The following MIB2 variants were observed in gnomAD, a reference collection of about 807,000 sequenced individuals.
MIB2 encodes the protein MIB E3 ubiquitin protein ligase 2, also known as E3 ubiquitin-protein ligase MIB2.
In MIB2, 78 loss-of-function variants were observed where a neutral mutation model predicts 96.6. The ratio of observed to expected loss-of-function variants is 0.81; its 90% CI spans 0.67 to 0.97. The LOEUF (loss-of-function observed/expected upper bound fraction) is 0.97, where lower values mean the gene tolerates loss of function less well. Ranked by LOEUF, MIB2 falls within the 50% of genes least tolerant of loss-of-function variation. MIB2 has a pLI of 0.00. For synonymous variants in MIB2, 820 were observed against 629.5 expected (o/e 1.30, Z -4.53); for missense variants, 1,543 against 1,424.0 (o/e 1.08, Z -1.35).
rs954941109 is a variant in MIB2 at position 1,628,289 on chromosome 1, C to G, written c.1858C>G (p.Leu620Val). The G allele has an allele frequency of 1.2e-6, 2 of 1,612,910 alleles. No homozygotes were observed. Among genetic ancestry groups the G allele is most frequent in the Non-Finnish European group, 1.7e-6 (2 of 1,179,976 alleles). The change falls in exon 15 of 20, where the codon CTG (leucine) becomes GTG (valine). Residue 620 changes from leucine (L) to valine (V), a missense_variant. Leu to Val is a conservative substitution (Grantham distance 32, BLOSUM62 1). Transcript: ENST00000355826. ...GCTCCACAGAGCTGTGAGAAAGATTCTGGCTCGGGCGCGGCAGCTGGTGGA... is the reference window on the plus strand; with the variant it reads ...GCTCCACAGAGCTGTGAGAAAGATTGTGGCTCGGGCGCGGCAGCTGGTGGA... The part of the protein sequence containing the change: ...KGHALAVRKI[L>V]ARARQLVDAK...
chr1:1,622,033 G>A (rs539061743), intron 2 of MIB2, among the ~76,000 whole-genome samples: 1 of 152,374 alleles, frequency 6.6e-6, no homozygotes, highest in African/African-American at 2.4e-5. Context: ...AAAGCACTGG[G>A]TTGCAGTGCT....
Position 1,626,583 on chromosome 1 carries a change from C to T in MIB2, c.973-67C>T. The T allele has an allele frequency of 1.5e-6, 2 of 1,358,182 alleles. No individual in the cohort carries two copies. The highest frequency in any genetic ancestry group is 2.0e-6 in the Non-Finnish European group (2 of 1,013,052). 84.1% of individuals were successfully genotyped at this position (1,358,182 alleles called of 1,614,324 possible). A position where few individuals can be genotyped will look rare whatever the true frequency, so the allele number is the denominator to read the frequency against. On this transcript the variant is annotated intron_variant, in intron 8 of 19. Transcript: ENST00000355826. The surrounding 1 kb of genome is among the most constrained non-coding windows in gnomAD (Gnocchi z 5.3). ...CTCGTGGAGCTCAGCAGGTTGCCCT[C>T]CTGTTGCATGAGCCTGGGCAGCCAC... is the stretch of plus-strand genomic sequence containing the variant.
At chr1:1,615,778 G>GA (rs1643566774) in intron 1 of MIB2, 145 bp downstream of exon 1, 2 of 1,391,730 alleles carry the variant, frequency 1.4e-6, no homozygotes, top group Non-Finnish European at 1.9e-6. Context: ...GTCCGCACGG[G>GA]ATGGGCTGGG....
chr1:1,627,932 C>A (rs1644966073), intron 13 of MIB2, 87 bp from the exon 14 acceptor site: 1 of 1,602,626 alleles, frequency 6.2e-7, no homozygotes, highest in Admixed American at 1.7e-5. Flanking sequence ...TGGGTGCCCC[C>A]TGCCCGTGAG....
chr1:1,624,031 C>T, intron 4 of MIB2, 86 bp downstream of exon 4: 1 of 1,421,472 alleles, frequency 7.0e-7, no homozygotes, highest in South Asian at 1.3e-5. Context: ...GGTGCTGCCT[C>T]CTGACCGCTC....
chr1:1,625,720 C>A lies in MIB2; in HGVS notation c.972+67C>A. 1.5e-6 allele frequency: 2 copies of A among 1,346,968 alleles called. No homozygotes were observed. The highest frequency in any genetic ancestry group is 2.1e-6 in the Non-Finnish European group (2 of 969,302). The allele number at this position is 1,346,968 out of a possible 1,614,324, so 83.4% of individuals were successfully genotyped here. On this transcript the variant is annotated intron_variant, in intron 8 of 19. Transcript: ENST00000355826. This position sits in a 1 kb window ranked among gnomAD's most constrained non-coding sequence, Gnocchi z 5.0. ...TAACCCCTTCCACGTACCCCCTTGG[C>A]CTTGGGGGGTCAGGCAGGACTAGGG... is the stretch of plus-strand genomic sequence containing the variant.
rs369196550 is a variant in MIB2, at chr1:1,616,475, A to G, written c.-129-33A>G. On this transcript the variant is annotated intron_variant, in intron 1 of 19. Coordinates refer to ENST00000355826, the MANE Select transcript of MIB2 (RefSeq NM_001170687.4). ...GACCGAGCCGCGGGTCGAGGTGCTA[A>G]CTGTGCATCTTGGCATCTCCCCTCG... 3.4e-6 allele frequency: 5 copies of G among 1,469,000 alleles called. No homozygotes were observed. The African/African-American group carries it at 7.2e-5, about 21-fold the overall frequency. The allele number at this position is 1,469,000 out of a possible 1,614,324, so 91.0% of individuals were successfully genotyped here.
chr1:1,622,816 G>A (rs1056471369), intron 2 of MIB2, among the ~76,000 whole-genome samples: 2 of 152,348 alleles, frequency 1.3e-5, no homozygotes, highest in Admixed American at 1.3e-4. Flanking sequence ...CCCAAAGCTG[G>A]TGTCCCCCAG....
chr1:1,624,392 G>A (rs1470987026), intron 4 of MIB2, among the ~76,000 whole-genome samples: 1 of 152,130 alleles, frequency 6.6e-6, no homozygotes, highest in African/African-American at 2.4e-5. Flanking sequence ...AGTGCTGTTG[G>A]CCAGGCCTGC....
In MIB2 at chr1:1,628,262, C is replaced by T. The variant is rs990166290; in HGVS notation, c.1842-11C>T. 11 of 1,612,982 alleles carry T rather than the reference C, an allele frequency of 6.8e-6. No individual in the cohort carries two copies. The highest frequency in any genetic ancestry group is 6.7e-5 in the African/African-American group (5 of 75,068). ...AGTCCCAGGTCCCAGACCAACCTCC[C>T]TGCTCCACAGAGCTGTGAGAAAGAT... On this transcript the variant is annotated splice_polypyrimidine_tract_variant and intron_variant, in intron 14 of 19. Transcript: ENST00000355826.
chr1:1,615,581 C>G lies in MIB2; in HGVS notation c.-182C>G, dbSNP rs978295144. 2 of 1,548,328 alleles carry G rather than the reference C, an allele frequency of 1.3e-6. No individual in the cohort carries two copies. Among genetic ancestry groups the G allele is most frequent in the Non-Finnish European group, 1.7e-6 (2 of 1,150,944 alleles). Reference sequence around the variant, plus strand: ...GAGGGCCTGGGAGCCCGAAGCCGTCCCCGAGTCGCTCCTAGGTCACTGGCG... The same window carrying G: ...GAGGGCCTGGGAGCCCGAAGCCGTCGCCGAGTCGCTCCTAGGTCACTGGCG... On this transcript the variant is annotated 5_prime_UTR_variant, in exon 1 of 20. Coordinates refer to ENST00000355826, the MANE Select transcript of MIB2 (RefSeq NM_001170687.4).
rs763676687 is a variant in MIB2, at chr1:1,628,916, G to A, written c.2202+194G>A. The A allele has an allele frequency of 1.4e-3, 994 of 721,028 alleles. 2 individuals carry two copies. Among genetic ancestry groups the A allele is most frequent in the Non-Finnish European group, 9.6e-4 (438 of 455,532 alleles). The allele number at this position is 721,028 out of a possible 1,614,324, so 44.7% of individuals were successfully genotyped here. A position where few individuals can be genotyped will look rare whatever the true frequency, so the allele number is the denominator to read the frequency against. On this transcript the variant is annotated intron_variant, in intron 16 of 19. Coordinates refer to ENST00000355826, the MANE Select transcript of MIB2 (RefSeq NM_001170687.4). ...CACCCCTAGGCAGCCTGGGAAAGGGGTGGTGCCCATGGGATGGGGAGAGGT... is the reference window on the plus strand; with the variant it reads ...CACCCCTAGGCAGCCTGGGAAAGGGATGGTGCCCATGGGATGGGGAGAGGT...
chr1:1,619,474 A>G (rs937583543), intron 2 of MIB2, among the ~76,000 whole-genome samples: 10 of 152,230 alleles, frequency 6.6e-5, no homozygotes, highest in African/African-American at 2.4e-4. Context: ...CTGGCACCGC[A>G]GAAGGGTTGG....
At position 1,623,533 on chromosome 1, in the gene MIB2, CGGCGGCGAG is replaced by C. The variant is rs1557578883; in HGVS notation, c.89_97del (p.Glu30_Gly32del). On this transcript the variant is annotated inframe_deletion, in exon 3 of 20. Coordinates refer to ENST00000355826, the MANE Select transcript of MIB2 (RefSeq NM_001170687.4). ...TGGACTGGAAGTGGGGCCAGCAGGA[CGGCGGCGAG>C]GGCGGCGTGGGCACGGTGGTGGAGC... 2 of 1,544,170 alleles carry C rather than the reference CGGCGGCGAG, an allele frequency of 1.3e-6. No individual in the cohort carries two copies. Among genetic ancestry groups the C allele is most frequent in the South Asian group, 1.2e-5 (1 of 82,108 alleles).
chr1:1,627,169 G>A lies in MIB2; in HGVS notation c.1336G>A (p.Ala446Thr). ...LVVEVALGNAARALDLLRRRP... is the reference protein window; with the variant it reads ...LVVEVALGNATRALDLLRRRP... ...GGTGGAGGTGGCGCTGGGTAACGCA[G>A]CCCGGGCTCTGGACCTGCTGCGGAG... The change falls in exon 11 of 20, where the codon GCC (alanine) becomes ACC (threonine). Residue 446 changes from alanine to threonine, a missense_variant. Physicochemically the swap from Ala to Thr is moderately conservative, Grantham distance 58. Transcript: ENST00000355826. The A allele has an allele frequency of 6.3e-7, 1 of 1,591,264 alleles. No individual in the cohort carries two copies.
At chr1:1,620,413 G>A (rs1468295269) in intron 2 of MIB2, among the ~76,000 whole-genome samples, 1 of 152,228 alleles carries the variant, frequency 6.6e-6, no homozygotes, top group East Asian at 1.9e-4. Context: ...GCGGCTGCCT[G>A]TGATGAGCCC....
In MIB2 at chr1:1,629,200, C is replaced by G. The variant is rs1293954894; in HGVS notation, c.2270C>G (p.Ala757Gly). The part of the protein sequence containing the change: ...TVGAAVACFL[A>G]LEGADVSYTN... Reference sequence around the variant, plus strand: ...GGCGCGGCGGTCGCCTGCTTCCTGGCGCTGGAGGGCGCCGACGTGAGCTAC... The same window carrying G: ...GGCGCGGCGGTCGCCTGCTTCCTGGGGCTGGAGGGCGCCGACGTGAGCTAC... Residue 757 changes from alanine (A) to glycine (G), a missense_variant, in exon 17 of 20, where the codon GCG becomes GGG. Physicochemically the swap from Ala to Gly is moderately conservative, Grantham distance 60. Transcript: ENST00000355826. 5.9e-6 allele frequency: 9 copies of G among 1,521,018 alleles called. No homozygotes were observed. The highest frequency in any genetic ancestry group is 7.9e-6 in the Non-Finnish European group (9 of 1,143,222). 94.2% of individuals were successfully genotyped at this position (1,521,018 alleles called of 1,614,324 possible).
rs569593655 is a variant in MIB2, at chr1:1,628,260, C to G, written c.1842-13C>G. On this transcript the variant is annotated splice_polypyrimidine_tract_variant and intron_variant, in intron 14 of 19. Transcript: ENST00000355826. ...GCAGTCCCAGGTCCCAGACCAACCT[C>G]CCTGCTCCACAGAGCTGTGAGAAAG... is the stretch of plus-strand genomic sequence containing the variant. 6.2e-7 allele frequency: 1 copy of G among 1,612,868 alleles called. No homozygotes were observed. The highest frequency in any genetic ancestry group is 8.5e-7 in the Non-Finnish European group (1 of 1,179,928).
Position 1,629,196 on chromosome 1 carries a change from C to A in MIB2, c.2266C>A (p.Leu756Met). The change falls in exon 17 of 20, where the codon CTG becomes ATG. Residue 756 changes from leucine to methionine, a missense_variant. Transcript: ENST00000355826. The stretch of plus-strand genomic sequence containing the variant: ...GGTGGGCGCGGCGGTCGCCTGCTTC[C>A]TGGCGCTGGAGGGCGCCGACGTGAG... ...LTVGAAVACF[L>M]ALEGADVSYT... 1 of 1,519,144 alleles carries A rather than the reference C, an allele frequency of 6.6e-7. No homozygotes were observed. Among genetic ancestry groups the A allele is most frequent in the East Asian group, 2.7e-5 (1 of 37,474 alleles). 94.1% of individuals were successfully genotyped at this position (1,519,144 alleles called of 1,614,324 possible). A position where few individuals can be genotyped will look rare whatever the true frequency, so the allele number is the denominator to read the frequency against.
Sources: gnomAD v4.1 joint callset for allele counts (sites outside exome capture counted in the v4.1 genomes callset) on GRCh38, gnomAD v4.1.1 for gene constraint, Gnocchi (gnomAD v3.1) non-coding constraint, MANE v1.5 for transcripts, NCBI Gene and HGNC (gene_info 2026-07-23, HGNC 2026-07-21) for gene names.